KIRREL3: variants seen among roughly 807,000 people sequenced by gnomAD.
KIRREL3 encodes the protein kin of IRRE-like protein 3.
Under a neutral mutation model 89.7 loss-of-function variants are expected in KIRREL3, and 36 were observed. That is an observed-to-expected ratio of 0.40 (90% CI 0.31 to 0.53). KIRREL3 has a LOEUF of 0.53. KIRREL3 is among the 20% of genes least tolerant of loss of function. The probability of loss-of-function intolerance (pLI) is 0.49; values close to 1 mark genes in which losing one functional copy is unlikely to be tolerated. For missense variants in KIRREL3, 864 were observed against 1,056.6 expected (o/e 0.82, Z 2.53); for synonymous variants, 445 against 441.4 (o/e 1.01, Z -0.10).
Position 126,562,911 on chromosome 11 carries a change from C to T in KIRREL3, c.57G>A (p.Glu19=). The change falls in exon 2 of 17, where the codon GAG becomes GAA. Residue 19 remains glutamate, a splice_region_variant and synonymous_variant. Transcript: ENST00000525144. This position sits in a 1 kb window ranked among gnomAD's most constrained non-coding sequence, Gnocchi z 4.7. ...AGCATCCTCTCTTCTGGAGGCCCAGCTCTGGAAGAGAAGCATAGGTGGGTG... is the reference window on the plus strand; with the variant it reads ...AGCATCCTCTCTTCTGGAGGCCCAGTTCTGGAAGAGAAGCATAGGTGGGTG... ...LFVCFFLFSQ[E]LGLQKRGCCL... The T allele has an allele frequency of 6.2e-7, 1 of 1,613,442 alleles. No individual in the cohort carries two copies. Among genetic ancestry groups the T allele is most frequent in the Non-Finnish European group, 8.5e-7 (1 of 1,179,554 alleles).
rs1261628494 is a variant in KIRREL3, at chr11:126,685,296, C to T, written c.56-122384G>A. On this transcript the variant is annotated intron_variant, in intron 1 of 16. Coordinates refer to ENST00000525144, the MANE Select transcript of KIRREL3 (RefSeq NM_032531.4). This position sits in a 1 kb window ranked among gnomAD's most constrained non-coding sequence, Gnocchi z 5.5. Reference sequence around the variant, plus strand: ...ACAATTGAGCAACAAAACATAGTCACACAGGGCCTGCCTCACACCCAGCAC... The same window carrying T: ...ACAATTGAGCAACAAAACATAGTCATACAGGGCCTGCCTCACACCCAGCAC... 6.6e-6 allele frequency among the ~76,000 whole-genome samples: 1 copy of T among 152,134 alleles called. No individual in the cohort carries two copies. Among genetic ancestry groups the T allele is most frequent in the African/African-American group, 2.4e-5 (1 of 41,430 alleles).
chr11:126,756,737 C>T (rs1220546745), intron 1 of KIRREL3, among the ~76,000 whole-genome samples: 2 of 152,230 alleles, frequency 1.3e-5, no homozygotes, highest in East Asian at 1.9e-4. Context: ...CTCTCCATTC[C>T]ACCTCCACTC....
In KIRREL3 at chr11:126,697,035, T is replaced by C. The variant is rs1214110624; in HGVS notation, c.56-134123A>G. Among the ~76,000 whole-genome samples the C allele has an allele frequency of 6.6e-6, 1 of 152,184 alleles. No individual in the cohort carries two copies. On this transcript the variant is annotated intron_variant, in intron 1 of 16. Transcript: ENST00000525144. This position sits in a 1 kb window ranked among gnomAD's most constrained non-coding sequence, Gnocchi z 4.2. The stretch of plus-strand genomic sequence containing the variant: ...ATCTCCTTCCTTTCCAGCCTCTGCC[T>C]GCACAAACCCACTGTTCTTTCGCTC...
chr11:126,834,084 G>T (rs1024761677), intron 1 of KIRREL3, among the ~76,000 whole-genome samples: 3 of 152,128 alleles, frequency 2.0e-5, no homozygotes, highest in Admixed American at 1.3e-4. Context: ...TTATAATTAT[G>T]TACCAGGAAT....
In KIRREL3 at chr11:126,999,514, G is replaced by C. The variant is rs1950263752; in HGVS notation, c.55+941C>G. Among the ~76,000 whole-genome samples the C allele has an allele frequency of 6.6e-6, 1 of 152,214 alleles. No homozygotes were observed. The highest frequency in any genetic ancestry group is 1.5e-5 in the Non-Finnish European group (1 of 68,048). On this transcript the variant is annotated intron_variant, in intron 1 of 16. Coordinates refer to ENST00000525144, the MANE Select transcript of KIRREL3 (RefSeq NM_032531.4). This position sits in a 1 kb window ranked among gnomAD's most constrained non-coding sequence, Gnocchi z 5.7. ...TTTTCTGAGTCTTGCACCTCTAAGAGCTGTGTTGGCTGGCACAAATGCAGC... is the reference window on the plus strand; with the variant it reads ...TTTTCTGAGTCTTGCACCTCTAAGACCTGTGTTGGCTGGCACAAATGCAGC...
chr11:126,851,376 C>T (rs1235210111), intron 1 of KIRREL3, among the ~76,000 whole-genome samples: 1 of 152,146 alleles, frequency 6.6e-6, no homozygotes. Flanking sequence ...GTGACTGAGT[C>T]CATGCAGGGA....
In KIRREL3 at chr11:126,696,634, G is replaced by A. The variant is rs551185426; in HGVS notation, c.56-133722C>T. Among the ~76,000 whole-genome samples the A allele has an allele frequency of 1.4e-4, 21 of 152,258 alleles. No individual in the cohort carries two copies. The highest frequency in any genetic ancestry group is 4.1e-4 in the South Asian group (2 of 4,822). Reference sequence around the variant, plus strand: ...CACCACAGCTGGAATCCACAGAGGCGCCACAGTACCGAAAGGGTGGCTCAA... The same window carrying A: ...CACCACAGCTGGAATCCACAGAGGCACCACAGTACCGAAAGGGTGGCTCAA... On this transcript the variant is annotated intron_variant, in intron 1 of 16. Transcript: ENST00000525144. This position sits in a 1 kb window ranked among gnomAD's most constrained non-coding sequence, Gnocchi z 4.4.
At chr11:126,824,030 A>G (rs1216840751) in intron 1 of KIRREL3, among the ~76,000 whole-genome samples, 1 of 152,198 alleles carries the variant, frequency 6.6e-6, no homozygotes, top group African/African-American at 2.4e-5. Context: ...GAAACACCCC[A>G]CAAGCCTAGC....
intron 1 of KIRREL3, among the ~76,000 whole-genome samples, chr11:126,598,046 G>A (rs1442878518): frequency 3.9e-5 from 6 of 152,254 alleles, no homozygotes. Flanking sequence ...TCCTAGAGAA[G>A]AGATTTGGAC....
intron 1 of KIRREL3, among the ~76,000 whole-genome samples, chr11:126,779,381 G>C (rs1420863166): frequency 6.6e-6 from 1 of 152,102 alleles, no homozygotes; most frequent in Admixed American, 6.5e-5. Context: ...CTCTCTCCCT[G>C]AAACCTGTTG....
intron 1 of KIRREL3, among the ~76,000 whole-genome samples, chr11:126,921,443 CT>C (rs1565419182): frequency 3.3e-5 from 5 of 151,920 alleles, no homozygotes; most frequent in African/African-American, 1.2e-4. Flanking sequence ...ATCTATCTAT[CT>C]ATCTTCCTAT....
At chr11:126,446,308 CTCTCTTCCTT>C (rs1955810206) in intron 9 of KIRREL3, among the ~76,000 whole-genome samples, 1 of 149,190 alleles carries the variant, frequency 6.7e-6, no homozygotes, top group Non-Finnish European at 1.5e-5. Context: ...CTTTCTCTCT[CTCTCTTCCTT>C]TCTTCCTTTC....
intron 4 of KIRREL3, among the ~76,000 whole-genome samples, chr11:126,481,360 C>A (rs1425138959): frequency 6.6e-6 from 1 of 152,214 alleles, no homozygotes; most frequent in African/African-American, 2.4e-5. Context: ...TAATGGAAAA[C>A]CTTCACTTTT....
intron 1 of KIRREL3, among the ~76,000 whole-genome samples, chr11:126,700,673 C>T (rs1021534822): frequency 7.9e-5 from 12 of 152,180 alleles, no homozygotes; most frequent in African/African-American, 2.4e-4. Flanking sequence ...AGGAAGCAGC[C>T]GGGGCTCTGA....
intron 1 of KIRREL3, among the ~76,000 whole-genome samples, chr11:126,631,026 A>C (rs1302413051): frequency 6.6e-6 from 1 of 152,206 alleles, no homozygotes; most frequent in East Asian, 1.9e-4. Flanking sequence ...CCCCACACCA[A>C]AATATGAAAC....
intron 1 of KIRREL3, among the ~76,000 whole-genome samples, chr11:126,810,409 GC>G (rs1193258244): frequency 2.0e-5 from 3 of 152,146 alleles, no homozygotes; most frequent in Non-Finnish European, 2.9e-5. Context: ...ACAAGGACTT[GC>G]TGGGAGGCCT....
rs565632898 is a variant in KIRREL3 at position 126,490,847 on chromosome 11, T to A, written c.434-17381A>T. On this transcript the variant is annotated intron_variant, in intron 4 of 16. Coordinates refer to ENST00000525144, the MANE Select transcript of KIRREL3 (RefSeq NM_032531.4). The surrounding 1 kb of genome is among the most constrained non-coding windows in gnomAD (Gnocchi z 4.2). ...GCCGGCAGTAGCATTTGGAGTCAAATAGGAAGACGCCACTGCTTCCTTCTG... is the reference window on the plus strand; with the variant it reads ...GCCGGCAGTAGCATTTGGAGTCAAAAAGGAAGACGCCACTGCTTCCTTCTG... 6.6e-6 allele frequency among the ~76,000 whole-genome samples: 1 copy of A among 152,210 alleles called. No homozygotes were observed. Among genetic ancestry groups the A allele is most frequent in the East Asian group, 1.9e-4 (1 of 5,170 alleles).
intron 1 of KIRREL3, among the ~76,000 whole-genome samples, chr11:126,911,852 G>A (rs1042260268): frequency 4.6e-5 from 7 of 152,082 alleles, no homozygotes; most frequent in South Asian, 4.2e-4. Flanking sequence ...GCGCGGTGGC[G>A]GGTGCCTGTA....
rs74693927 is a variant in KIRREL3 at position 126,451,779 on chromosome 11, C to T, written c.849-2622G>A. On this transcript the variant is annotated intron_variant, in intron 7 of 16. Coordinates refer to ENST00000525144, the MANE Select transcript of KIRREL3 (RefSeq NM_032531.4). ...GGATCTCCAGGGAGAGAGAGTTCTC[C>T]GTTTCCCCTGGTTTAATCCTACTCT... 3.9e-4 allele frequency among the ~76,000 whole-genome samples: 59 copies of T among 151,190 alleles called. 3 individuals carry two copies. The South Asian group carries it at 0.012, about 31-fold the overall frequency.
Sources: gnomAD v4.1 joint callset for allele counts (sites outside exome capture counted in the v4.1 genomes callset) on GRCh38, gnomAD v4.1.1 for gene constraint, Gnocchi (gnomAD v3.1) non-coding constraint, MANE v1.5 for transcripts, NCBI Gene and HGNC (gene_info 2026-07-23, HGNC 2026-07-21) for gene names.